STX2: variants seen among roughly 807,000 people sequenced by gnomAD.
STX2 encodes syntaxin-2.
In STX2, 27 loss-of-function variants were observed where a neutral mutation model predicts 40.6. The ratio of observed to expected loss-of-function variants is 0.66; its 90% confidence interval spans 0.49 to 0.92. The LOEUF is 0.92. Ranked by LOEUF, STX2 falls within the 40% of genes least tolerant of loss-of-function variation. The pLI is 0.00. For missense variants in STX2, 328 were observed against 366.1 expected (o/e 0.90, Z 0.85); for synonymous variants, 123 against 119.1 (o/e 1.03, Z -0.22).
At chr12:130,795,550 C>G (rs1343757211) in intron 10 of STX2, among the ~76,000 whole-genome samples, 1 of 152,066 alleles carries the variant, frequency 6.6e-6, no homozygotes, top group East Asian at 1.9e-4. Flanking sequence ...CTGGGCAATA[C>G]AGAGAGTTCT....
At chr12:130,814,540 C>G (rs771164829) in intron 3 of STX2, among the ~76,000 whole-genome samples, 16 of 150,902 alleles carry the variant, frequency 1.1e-4, no homozygotes, top group Non-Finnish European at 1.5e-5. Context: ...GCAGGCCCAG[C>G]TGAGTTTGGG....
Position 130,808,910 on chromosome 12 carries a change from G to A in STX2, c.281-206C>T, listed in dbSNP as rs149502051. Reference sequence around the variant, plus strand: ...GAGACAAGGTCTGGCTCTATCACCCGGGCTGCAGTGCAGGGGCACAATCTC... The same window carrying A: ...GAGACAAGGTCTGGCTCTATCACCCAGGCTGCAGTGCAGGGGCACAATCTC... On this transcript the variant is annotated intron_variant, in intron 4 of 10. Coordinates refer to ENST00000392373, the MANE Select transcript of STX2 (RefSeq NM_194356.4). Among the ~76,000 whole-genome samples the A allele has an allele frequency of 3.7e-3, 557 of 152,188 alleles. 1 individual carries two copies. Among genetic ancestry groups the A allele is most frequent in the African/African-American group, 0.013 (530 of 41,508 alleles).
chr12:130,795,794 C>G (rs183225240), intron 10 of STX2, among the ~76,000 whole-genome samples: 47 of 152,286 alleles, frequency 3.1e-4, no homozygotes, highest in African/African-American at 1.1e-3. Context: ...AAATGAGTTA[C>G]CGCCCAGCCT....
chr12:130,815,158 G>A (rs1951813444), intron 3 of STX2, among the ~76,000 whole-genome samples: 1 of 152,180 alleles, frequency 6.6e-6, no homozygotes, highest in South Asian at 2.1e-4. Context: ...ACACAAAGGG[G>A]TCATTTCGTG....
intron 3 of STX2, among the ~76,000 whole-genome samples, chr12:130,818,860 G>A (rs1406491956): frequency 6.6e-6 from 1 of 152,184 alleles, no homozygotes; most frequent in African/African-American, 2.4e-5. Context: ...TCCTGCAGGG[G>A]GAATCCCAGC....
intron 2 of STX2, among the ~76,000 whole-genome samples, chr12:130,826,500 G>A (rs1055325475): frequency 6.6e-6 from 1 of 152,138 alleles, no homozygotes; most frequent in East Asian, 1.9e-4. Flanking sequence ...AACCCACGCG[G>A]AGGCCACGTG....
chr12:130,813,260 C>T (rs139120722), intron 3 of STX2, among the ~76,000 whole-genome samples: 63 of 152,230 alleles, frequency 4.1e-4, no homozygotes, highest in African/African-American at 1.5e-3. Flanking sequence ...TGGGGCCCAC[C>T]CTGGACCTAC....
chr12:130,804,343 G>A (rs1001313201), intron 6 of STX2, among the ~76,000 whole-genome samples: 4 of 152,302 alleles, frequency 2.6e-5, no homozygotes, highest in Middle Eastern at 3.4e-3. Flanking sequence ...CCAGAGTGAC[G>A]CCATCCTGAA....
rs113822708 is a variant in STX2 at position 130,823,167 on chromosome 12, C to T, written c.106-1379G>A. Reference sequence around the variant, plus strand: ...AAACTTTAAAAAAAAAGAAAATTAGCCGGGCACAATGGTGCATGCCTGCAG... The same window carrying T: ...AAACTTTAAAAAAAAAGAAAATTAGTCGGGCACAATGGTGCATGCCTGCAG... On this transcript the variant is annotated intron_variant, in intron 2 of 10. Coordinates refer to ENST00000392373, the MANE Select transcript of STX2 (RefSeq NM_194356.4). Among the ~76,000 whole-genome samples, 671 of 152,186 alleles carry T rather than the reference C, an allele frequency of 4.4e-3. 9 individuals carry two copies. The highest frequency in any genetic ancestry group is 0.016 in the African/African-American group (648 of 41,524).
At chr12:130,832,228 T>C (rs940828650) in intron 1 of STX2, among the ~76,000 whole-genome samples, 2 of 152,080 alleles carry the variant, frequency 1.3e-5, no homozygotes, top group African/African-American at 4.8e-5. Flanking sequence ...TGCTCTAGTG[T>C]TAGGTGAAAC....
chr12:130,823,608 C>A (rs1952195085), intron 2 of STX2, among the ~76,000 whole-genome samples: 2 of 152,294 alleles, frequency 1.3e-5, no homozygotes, highest in South Asian at 4.1e-4. Flanking sequence ...AGAACACAGG[C>A]CGCCTGCGGA....
At chr12:130,838,967 T>C in intron 1 of STX2, 103 bp downstream of exon 1, 1 of 643,564 alleles carries the variant, frequency 1.6e-6, no homozygotes, top group South Asian at 4.0e-5. Context: ...ATCCCCGCCC[T>C]GGGGACCCTC....
In STX2 at chr12:130,795,862, T is replaced by C. The variant is rs531512658; in HGVS notation, c.*45+133A>G. Reference sequence around the variant, plus strand: ...ACTCGAATCAGCACACAGGCAGATGTATCACTAGATGGCATTATCTGTACT... The same window carrying C: ...ACTCGAATCAGCACACAGGCAGATGCATCACTAGATGGCATTATCTGTACT... On this transcript the variant is annotated intron_variant, in intron 10 of 10. Coordinates refer to ENST00000392373, the MANE Select transcript of STX2 (RefSeq NM_194356.4). 3.3e-5 allele frequency: 36 copies of C among 1,082,648 alleles called. 2 individuals are homozygous for C. Among genetic ancestry groups the C allele is most frequent in the Non-Finnish European group, 4.6e-5 (36 of 791,156 alleles). The allele number at this position is 1,082,648 out of a possible 1,614,324, so 67.1% of individuals were successfully genotyped here.
chr12:130,795,863 A>G, intron 10 of STX2, 132 bp downstream of exon 10: 4 of 1,096,882 alleles, frequency 3.6e-6, no homozygotes, highest in Admixed American at 3.1e-5. Context: ...AGGCAGATGT[A>G]TCACTAGATG....
intron 10 of STX2, among the ~76,000 whole-genome samples, chr12:130,792,784 T>C (rs1284254271): frequency 2.0e-5 from 3 of 152,206 alleles, no homozygotes; most frequent in African/African-American, 4.8e-5. Context: ...TTTTTACATT[T>C]AAATATGACA....
chr12:130,797,657 A>G (rs2398536), intron 9 of STX2, among the ~76,000 whole-genome samples: 150,073 of 152,310 alleles, frequency 0.99, 73,962 homozygotes, highest in East Asian at 1. Flanking sequence ...TGACAATGTG[A>G]AAAACCCATA....
intron 10 of STX2, among the ~76,000 whole-genome samples, 183 bp from the exon 11 acceptor site, chr12:130,792,160 A>T (rs1296412403): frequency 6.6e-6 from 1 of 152,184 alleles, no homozygotes; most frequent in East Asian, 1.9e-4. Context: ...TTCCGGGTTC[A>T]AGTGATTCTC....
chr12:130,798,576 G>A lies in STX2; in HGVS notation c.735C>T (p.His245=), dbSNP rs763763318. ...TAGCTTTTTTTGTTTCTTCTTTAGCGTGTTCTACATAGTCTGTGGCATTCA... is the reference window on the plus strand; with the variant it reads ...TAGCTTTTTTTGTTTCTTCTTTAGCATGTTCTACATAGTCTGTGGCATTCA... ...NVMNATDYVE[H]AKEETKKAIK... The change falls in exon 9 of 11, where the codon CAC becomes CAT. Residue 245 remains histidine, a synonymous_variant. Coordinates refer to ENST00000392373, the MANE Select transcript of STX2 (RefSeq NM_194356.4). 34 of 1,607,332 alleles carry A rather than the reference G, an allele frequency of 2.1e-5. No homozygotes were observed. The East Asian group carries it at 3.4e-4, about 16-fold the overall frequency.
intron 6 of STX2, among the ~76,000 whole-genome samples, chr12:130,803,066 C>T (rs548847063): frequency 2.5e-4 from 38 of 152,276 alleles, no homozygotes; most frequent in African/African-American, 8.9e-4. Context: ...TTGTATGCTC[C>T]AAATATCATT....
Sources: gnomAD v4.1 joint callset for allele counts (sites outside exome capture counted in the v4.1 genomes callset) on GRCh38, gnomAD v4.1.1 for gene constraint, MANE v1.5 for transcripts, NCBI Gene and HGNC (gene_info 2026-07-23, HGNC 2026-07-21) for gene names.